RIPOR2: variants seen among roughly 807,000 people sequenced by gnomAD.
The protein encoded by RIPOR2 is RHO family interacting cell polarization regulator 2, also known as rho family-interacting cell polarization regulator 2.
Under a neutral mutation model 114.5 loss-of-function variants are expected in RIPOR2, and 39 were observed. The ratio of observed to expected loss-of-function variants is 0.34; its 90% confidence interval spans 0.26 to 0.44. The LOEUF is 0.44. RIPOR2 is among the 20% of genes least tolerant of loss of function. RIPOR2 has a pLI of 1.00. For synonymous variants in RIPOR2, 445 were observed against 484.4 expected (o/e 0.92, Z 1.07); for missense variants, 1,007 against 1,255.1 (o/e 0.80, Z 2.99).
chr6:24,989,994 G>A (rs532657152), intron 1 of RIPOR2, among the ~76,000 whole-genome samples: 3 of 151,952 alleles, frequency 2.0e-5, no homozygotes, highest in African/African-American at 4.8e-5. Flanking sequence ...TCATGCCATT[G>A]CACTTCACCC....
intron 1 of RIPOR2, among the ~76,000 whole-genome samples, chr6:25,006,719 T>C (rs1439402744): frequency 9.9e-5 from 15 of 151,834 alleles, no homozygotes; most frequent in Non-Finnish European, 2.9e-5. Context: ...GCCACGAGAG[T>C]TCTGAGAATT....
At chr6:25,021,721 C>T (rs1162566796) in intron 1 of RIPOR2, among the ~76,000 whole-genome samples, 1 of 152,170 alleles carries the variant, frequency 6.6e-6, no homozygotes, top group Non-Finnish European at 1.5e-5. Context: ...CAAAATCTCA[C>T]AAATCACCAC....
At chr6:24,859,495 G>A (rs2113823332) in intron 8 of RIPOR2, among the ~76,000 whole-genome samples, 1 of 152,244 alleles carries the variant, frequency 6.6e-6, no homozygotes, top group South Asian at 2.1e-4. Flanking sequence ...CGTGATTTTG[G>A]AACCACTGAC....
At chr6:24,850,245 C>T (rs772829709) in intron 10 of RIPOR2, among the ~76,000 whole-genome samples, 18 of 150,542 alleles carry the variant, frequency 1.2e-4, no homozygotes, top group African/African-American at 1.7e-4. Flanking sequence ...TACAGGCACA[C>T]GGACCACGTC....
rs752750673 is a variant in RIPOR2, at chr6:24,852,595, A to G, written c.739T>C (p.Cys247Arg). The change falls in exon 9 of 22, where the codon TGT becomes CGT. Residue 247 changes from cysteine (C) to arginine (R), a missense_variant. By Grantham distance (180) the Cys-to-Arg change is radical. Transcript: ENST00000643898. ...CTTACTTCATATTGATCTCCAGGAC[A>G]GAGGCGTGCAAAGCCAGCCAGACCT... ...MKGLAGFARL[C>R]PGDQYEIFMK... The G allele has an allele frequency of 8.1e-6, 13 of 1,598,948 alleles. No homozygotes were observed. Among genetic ancestry groups the G allele is most frequent in the Non-Finnish European group, 5.1e-6 (6 of 1,175,572 alleles).
chr6:24,858,739 A>C lies in RIPOR2; in HGVS notation c.715+2234T>G, dbSNP rs1763742391. Among the ~76,000 whole-genome samples the C allele has an allele frequency of 6.6e-6, 1 of 152,152 alleles. No individual in the cohort carries two copies. Among genetic ancestry groups the C allele is most frequent in the Admixed American group, 6.5e-5 (1 of 15,278 alleles). ...GACTCTCAGGAACATCAGGCAGGAG[A>C]GCAAGAACAACAGAGAGAGGAGGAG... is the stretch of plus-strand genomic sequence containing the variant. On this transcript the variant is annotated intron_variant, in intron 8 of 21. Transcript: ENST00000643898. This position sits in a 1 kb window ranked among gnomAD's most constrained non-coding sequence, Gnocchi z 4.0.
chr6:24,987,662 T>C (rs1377422775), intron 1 of RIPOR2, among the ~76,000 whole-genome samples: 1 of 152,214 alleles, frequency 6.6e-6, no homozygotes, highest in Non-Finnish European at 1.5e-5. Context: ...CTGTGCAATG[T>C]TCACAAAACA....
At chr6:24,915,736 C>A (rs937340477) in intron 1 of RIPOR2, among the ~76,000 whole-genome samples, 1 of 152,206 alleles carries the variant, frequency 6.6e-6, no homozygotes, top group Non-Finnish European at 1.5e-5. Context: ...ATTTAACATG[C>A]AGATTTTTAG....
chr6:24,956,978 T>C (rs1220861731), intron 1 of RIPOR2, among the ~76,000 whole-genome samples: 1 of 152,218 alleles, frequency 6.6e-6, no homozygotes, highest in African/African-American at 2.4e-5. Flanking sequence ...ACCTATCGTT[T>C]CTCCACCAAC....
chr6:24,944,322 A>G (rs1772299744), intron 1 of RIPOR2, among the ~76,000 whole-genome samples: 1 of 152,176 alleles, frequency 6.6e-6, no homozygotes, highest in Admixed American at 6.5e-5. Flanking sequence ...TGCAAGATTT[A>G]TTGGTCCCAG....
chr6:24,965,833 T>A (rs537981115), intron 1 of RIPOR2, among the ~76,000 whole-genome samples: 1 of 152,248 alleles, frequency 6.6e-6, no homozygotes. Flanking sequence ...AGAGCCATTG[T>A]ATAGGCCCTT....
chr6:24,986,329 C>T (rs547310602), intron 1 of RIPOR2, among the ~76,000 whole-genome samples: 3 of 152,348 alleles, frequency 2.0e-5, no homozygotes, highest in Admixed American at 6.5e-5. Flanking sequence ...CTCTTAACCA[C>T]TGTGTCTTGA....
intron 12 of RIPOR2, among the ~76,000 whole-genome samples, chr6:24,846,301 C>CTTTTTT (rs1233193249): frequency 9.8e-5 from 9 of 91,722 alleles, no homozygotes; most frequent in African/African-American, 1.4e-4. Flanking sequence ...TTTCACCTGC[C>CTTTTTT]TTTTTTTTTT....
chr6:24,826,901 A>AT (rs147841757), intron 18 of RIPOR2, among the ~76,000 whole-genome samples: 44,522 of 149,134 alleles, frequency 0.3, 7,460 homozygotes, highest in East Asian at 0.68. Context: ...CTCTGTTTAC[A>AT]TTTTTTTTTT....
chr6:24,937,622 T>C (rs994687837), upstream of RIPOR2, among the ~76,000 whole-genome samples: 1 of 152,148 alleles, frequency 6.6e-6, no homozygotes, highest in African/African-American at 2.4e-5. Context: ...TTTTGTGTGG[T>C]TGGGATAAGA....
rs1760063853 is a variant in RIPOR2, at chr6:24,825,291, C to T, written c.2803G>A (p.Glu935Lys). Reference sequence around the variant, plus strand: ...TAAAGCGTCACAGCCTCACTAACTTCGTTGTCCTCTCTGGTTAATAGCAGA... The same window carrying T: ...TAAAGCGTCACAGCCTCACTAACTTTGTTGTCCTCTCTGGTTAATAGCAGA... ...LALLLTREDN[E>K]VSEAVTLYLA... Residue 935 changes from glutamate to lysine, a missense_variant, in exon 19 of 22, where the codon GAA becomes AAA. By Grantham distance (56) the Glu-to-Lys change is moderately conservative (BLOSUM62 1). Coordinates refer to ENST00000643898, the MANE Select transcript of RIPOR2 (RefSeq NM_001286445.3). 5.8e-6 allele frequency: 9 copies of T among 1,551,602 alleles called. No individual in the cohort carries two copies. The highest frequency in any genetic ancestry group is 1.4e-5 in the African/African-American group (1 of 73,032).
intron 1 of RIPOR2, among the ~76,000 whole-genome samples, chr6:24,903,674 C>A (rs1362849760): frequency 6.6e-6 from 1 of 151,946 alleles, no homozygotes; most frequent in African/African-American, 2.4e-5. Context: ...GATACAGGCA[C>A]ACAATAAATA....
intron 1 of RIPOR2, among the ~76,000 whole-genome samples, chr6:24,995,800 A>ATTTT (rs35560241): frequency 1.5e-4 from 20 of 136,732 alleles, no homozygotes; most frequent in African/African-American, 4.7e-4. Context: ...AACTAGAGTG[A>ATTTT]TTTTTTTTTT....
chr6:25,028,006 G>T (rs1776711704), intron 1 of RIPOR2, among the ~76,000 whole-genome samples: 1 of 152,170 alleles, frequency 6.6e-6, no homozygotes, highest in Non-Finnish European at 1.5e-5. Context: ...AAGCCCGAGG[G>T]TTCTGCGTGT....
Sources: allele counts gnomAD v4.1 joint callset (sites outside exome capture counted in the v4.1 genomes callset), GRCh38; gene constraint gnomAD v4.1.1; non-coding constraint Gnocchi (gnomAD v3.1); transcripts MANE v1.5; gene names NCBI Gene and HGNC (gene_info 2026-07-23, HGNC 2026-07-21).